CSTL1: variants seen among roughly 807,000 people sequenced by gnomAD.
The protein encoded by CSTL1 is cystatin-like 1.
Under a neutral mutation model 14.4 loss-of-function variants are expected in CSTL1, and 14 were observed. The observed-to-expected ratio is 0.97, with a 90% CI of 0.64 to 1.52. The LOEUF is 1.52. CSTL1 is among the 40% of genes most tolerant of loss of function. CSTL1 has a pLI of 0.00. For synonymous variants in CSTL1, 72 were observed against 67.5 expected (o/e 1.07, Z -0.33); for missense variants, 170 against 168.7 (o/e 1.01, Z -0.04).
chr20:23,446,296 G>T (rs959741262), downstream of CSTL1, among the ~76,000 whole-genome samples: 1 of 149,192 alleles, frequency 6.7e-6, no homozygotes, highest in Non-Finnish European at 1.5e-5. Context: ...TCGCTCTGTC[G>T]CCAGGCTGGA....
chr20:23,457,019 A>T, the CSTL1 span, among the ~76,000 whole-genome samples: 119 of 152,296 alleles, frequency 7.8e-4, no homozygotes, highest in African/African-American at 2.7e-3. Context: ...TAACAAGTTC[A>T]CAGGTTCTGG....
chr20:23,441,773 A>G (rs1360484736), intron 2 of CSTL1, among the ~76,000 whole-genome samples: 1 of 152,176 alleles, frequency 6.6e-6, no homozygotes. Context: ...GTAAGTACAG[A>G]GGGCTGACTG....
At chr20:23,453,077 C>G in the CSTL1 span, among the ~76,000 whole-genome samples, 2 of 151,912 alleles carry the variant, frequency 1.3e-5, no homozygotes, top group African/African-American at 4.8e-5. Flanking sequence ...GCTCCCTCAG[C>G]AACACACAGG....
At chr20:23,446,534 G>A (rs1259261496), downstream of CSTL1, among the ~76,000 whole-genome samples, 1 of 152,106 alleles carries the variant, frequency 6.6e-6, no homozygotes, top group Non-Finnish European at 1.5e-5. Flanking sequence ...GGGATGACAA[G>A]CGTGAGCCAC....
downstream of CSTL1, among the ~76,000 whole-genome samples, chr20:23,449,406 G>A (rs1194462084): frequency 1.3e-5 from 2 of 152,154 alleles, no homozygotes; most frequent in African/African-American, 2.4e-5. Flanking sequence ...ATGTGTGTGT[G>A]TGTATGTGTG....
downstream of CSTL1, chr20:23,444,964 C>A: frequency 1.2e-6 from 1 of 862,642 alleles, no homozygotes; most frequent in Non-Finnish European, 2.0e-6. Flanking sequence ...TACACATGCA[C>A]ACACACACAT....
At position 23,444,800 on chromosome 20, in the gene CSTL1, C is replaced by T; in HGVS notation, c.360C>T (p.Thr120=). Reference sequence around the variant, plus strand: ...TAATTTGCGAGTCTTTGATATACACCATGCCCTGGATAAACTATTTCCAGC... The same window carrying T: ...TAATTTGCGAGTCTTTGATATACACTATGCCCTGGATAAACTATTTCCAGC... The part of the protein sequence containing the change: ...KSLICESLIY[T]MPWINYFQLW... The change falls in exon 4 of 4, where the codon ACC becomes ACT. Residue 120 remains threonine (T), a synonymous_variant. Transcript: ENST00000347397. 6.2e-7 allele frequency: 1 copy of T among 1,613,552 alleles called. No individual in the cohort carries two copies.
downstream of CSTL1, among the ~76,000 whole-genome samples, chr20:23,445,886 G>A (rs190098406): frequency 1.8e-4 from 28 of 152,132 alleles, no homozygotes; most frequent in East Asian, 5.1e-3. Context: ...GGTGCATGGC[G>A]CTAGGTCAGG....
At chr20:23,450,967 T>C in the CSTL1 span, among the ~76,000 whole-genome samples, 1 of 152,108 alleles carries the variant, frequency 6.6e-6, no homozygotes, top group Admixed American at 6.5e-5. Context: ...TATTTATCCC[T>C]CCATTCATCT....
At chr20:23,452,419 T>C in the CSTL1 span, among the ~76,000 whole-genome samples, 1 of 152,202 alleles carries the variant, frequency 6.6e-6, no homozygotes, top group African/African-American at 2.4e-5. Flanking sequence ...GGGTTTTGTT[T>C]AAGTGCCTTA....
the CSTL1 span, among the ~76,000 whole-genome samples, chr20:23,460,776 C>T: frequency 6.6e-6 from 1 of 152,116 alleles, no homozygotes; most frequent in African/African-American, 2.4e-5. Flanking sequence ...CAGATACACC[C>T]TGTGAAAGGA....
chr20:23,460,524 A>G, the CSTL1 span, among the ~76,000 whole-genome samples: 18 of 152,224 alleles, frequency 1.2e-4, no homozygotes, highest in Non-Finnish European at 2.4e-4. Flanking sequence ...TGGGGATGTC[A>G]ATTGAGGAAA....
chr20:23,449,594 G>A (rs2123323172), downstream of CSTL1, among the ~76,000 whole-genome samples: 1 of 152,306 alleles, frequency 6.6e-6, no homozygotes, highest in Non-Finnish European at 1.5e-5. Context: ...CATGGAGGAG[G>A]AAGTGGAGTG....
chr20:23,440,629 G>T (rs1157457631), intron 2 of CSTL1, 143 bp downstream of exon 2: 1 of 744,622 alleles, frequency 1.3e-6, no homozygotes, highest in Non-Finnish European at 2.4e-6. Flanking sequence ...CTTGTAGCAG[G>T]TACATTGTAG....
downstream of CSTL1, among the ~76,000 whole-genome samples, chr20:23,448,858 G>A (rs1427728205): frequency 6.6e-6 from 1 of 152,168 alleles, no homozygotes; most frequent in Non-Finnish European, 1.5e-5. Context: ...TAGGCACTGT[G>A]TTAAGCAATT....
At chr20:23,458,207 A>G in the CSTL1 span, among the ~76,000 whole-genome samples, 1 of 152,216 alleles carries the variant, frequency 6.6e-6, no homozygotes, top group Non-Finnish European at 1.5e-5. Flanking sequence ...GCTGTCAGAA[A>G]GACTTCCTCT....
At chr20:23,456,569 A>G in the CSTL1 span, among the ~76,000 whole-genome samples, 1 of 152,056 alleles carries the variant, frequency 6.6e-6, no homozygotes, top group Non-Finnish European at 1.5e-5. Context: ...GCCTCTGCCC[A>G]GCCTCCATCG....
chr20:23,440,007 G>A, intron 1 of CSTL1, 137 bp from the exon 2 acceptor site: 1 of 482,920 alleles, frequency 2.1e-6, no homozygotes, highest in Non-Finnish European at 3.8e-6. Context: ...AGAGGGGCTT[G>A]CACGCCTTAG....
chr20:23,456,918 G>A, the CSTL1 span, among the ~76,000 whole-genome samples: 1 of 152,138 alleles, frequency 6.6e-6, no homozygotes, highest in African/African-American at 2.4e-5. Flanking sequence ...TTCTAAGGAC[G>A]TGATTAATTA....
Sources: gnomAD v4.1 joint callset for allele counts (sites outside exome capture counted in the v4.1 genomes callset) on GRCh38, gnomAD v4.1.1 for gene constraint, MANE v1.5 for transcripts, NCBI Gene and HGNC (gene_info 2026-07-23, HGNC 2026-07-21) for gene names.